Variants in BRCA2 observed in about 807,000 individuals in gnomAD.
BRCA2 encodes the protein BRCA2 DNA repair associated, also known as breast cancer type 2 susceptibility protein.
In BRCA2, 203 loss-of-function variants were observed where a neutral mutation model predicts 276.7. The ratio of observed to expected loss-of-function variants is 0.73; its 90% CI spans 0.65 to 0.82. BRCA2 has a LOEUF of 0.82. Among genes scored for constraint, BRCA2 ranks in the 40% least tolerant of loss-of-function variants. The pLI, the probability that BRCA2 is intolerant of heterozygous loss-of-function variation, is 0.00. For missense variants in BRCA2, 3,920 were observed against 3,915.0 expected (o/e 1.00, Z -0.03); for synonymous variants, 1,289 against 1,338.4 (o/e 0.96, Z 0.81).
rs772430226 is a variant in BRCA2 at position 32,332,759 on chromosome 13, C to A, written c.1281C>A (p.Asp427Glu). 2 of 1,608,124 alleles carry A rather than the reference C, an allele frequency of 1.2e-6. No homozygotes were observed. The highest frequency in any genetic ancestry group is 1.7e-6 in the Non-Finnish European group (2 of 1,178,466). Residue 427 changes from aspartate to glutamate, a missense_variant, in exon 10 of 27, where the codon GAC becomes GAA. This residue lies in a region of BRCA2 where 3,263 missense variants were observed against 3,156.9 expected (regional missense o/e 1.03). Coordinates refer to ENST00000380152, the MANE Select transcript of BRCA2 (RefSeq NM_000059.4). ...SSCDQNISEK[D>E]LLDTENKRKK... ...GTGACCAAAATATTTCAGAAAAAGA[C>A]CTATTAGACACAGAGAACAAAAGAA...
At position 32,332,919 on chromosome 13, in the gene BRCA2, A is replaced by G. The variant is rs760559435; in HGVS notation, c.1441A>G (p.Ile481Val). 6.8e-6 allele frequency: 11 copies of G among 1,608,774 alleles called. No individual in the cohort carries two copies. Among genetic ancestry groups the G allele is most frequent in the African/African-American group, 1.3e-5 (1 of 74,538 alleles). ...GCATCTTGAATCTCATACAGACTGC[A>G]TTCTTGCAGTAAAGCAGGCAATATC... ...EQHLESHTDCILAVKQAISGT... is the reference protein window; with the variant it reads ...EQHLESHTDCVLAVKQAISGT... The change falls in exon 10 of 27, where the codon ATT (isoleucine) becomes GTT (valine). Residue 481 changes from isoleucine to valine, a missense_variant. Around this residue, in one of 2 missense-constraint regions of BRCA2, gnomAD observed 3,263 missense variants for 3,156.9 expected, o/e 1.03. Transcript: ENST00000380152.
In BRCA2 at chr13:32,338,122, A is replaced by C. The variant is rs80358618; in HGVS notation, c.3767A>C (p.His1256Pro). Reference sequence around the variant, plus strand: ...AGTGAGGAAACTTCTGCAGAGGTACATCCAATAAGTTTATCTTCAAGTAAA... The same window carrying C: ...AGTGAGGAAACTTCTGCAGAGGTACCTCCAATAAGTTTATCTTCAAGTAAA... ...NISEETSAEV[H>P]PISLSSSKCH... The change falls in exon 11 of 27, where the codon CAT (histidine) becomes CCT (proline). Residue 1256 changes from histidine to proline, a missense_variant. By Grantham distance (77) the His-to-Pro change is moderately conservative (BLOSUM62 -2). This residue lies in a region of BRCA2 where 3,263 missense variants were observed against 3,156.9 expected (regional missense o/e 1.03). Coordinates refer to ENST00000380152, the MANE Select transcript of BRCA2 (RefSeq NM_000059.4). The C allele has an allele frequency of 1.2e-6, 2 of 1,607,834 alleles. No homozygotes were observed. The highest frequency in any genetic ancestry group is 1.7e-6 in the Non-Finnish European group (2 of 1,177,200).
intron 24 of BRCA2, among the ~76,000 whole-genome samples, chr13:32,383,934 GA>G (rs1406579772): frequency 6.6e-6 from 1 of 152,184 alleles, no homozygotes; most frequent in Admixed American, 6.5e-5. Context: ...CATTTAGGAA[GA>G]AAACAAGGAA....
Position 32,337,343 on chromosome 13 carries a change from C to G in BRCA2, c.2988C>G (p.Leu996=), listed in dbSNP as rs758336001. The part of the protein sequence containing the change: ...NNDYMNKWAG[L]LGPISNHSFG... ...ATTACATGAACAAATGGGCAGGACTCTTAGGTCCAATTTCAAATCACAGTT... is the reference window on the plus strand; with the variant it reads ...ATTACATGAACAAATGGGCAGGACTGTTAGGTCCAATTTCAAATCACAGTT... Residue 996 remains leucine (L), a synonymous_variant, in exon 11 of 27, where the codon CTC becomes CTG. Transcript: ENST00000380152. 1.2e-6 allele frequency: 2 copies of G among 1,613,732 alleles called. No individual in the cohort carries two copies. Among genetic ancestry groups the G allele is most frequent in the East Asian group, 4.5e-5 (2 of 44,822 alleles).
rs1343940721 is a variant in BRCA2, at chr13:32,338,639, T to G, written c.4284T>G (p.Phe1428Leu). 6.3e-7 allele frequency: 1 copy of G among 1,598,846 alleles called. No individual in the cohort carries two copies. Residue 1428 changes from phenylalanine (F) to leucine (L), a missense_variant, in exon 11 of 27, where the codon TTT becomes TTG. Coordinates refer to ENST00000380152, the MANE Select transcript of BRCA2 (RefSeq NM_000059.4). ...IKDFETSDTF[F>L]QTASGKNISV... ...ATTTTGAGACTTCTGATACATTTTTTCAGACTGCAAGTGGGAAAAATATTA... is the reference window on the plus strand; with the variant it reads ...ATTTTGAGACTTCTGATACATTTTTGCAGACTGCAAGTGGGAAAAATATTA...
At chr13:32,321,224 A>G (rs1422804741) in intron 3 of BRCA2, among the ~76,000 whole-genome samples, 1 of 152,370 alleles carries the variant, frequency 6.6e-6, no homozygotes, top group East Asian at 1.9e-4. Context: ...GGAGTCATCC[A>G]TTCTGCAAAT....
At position 32,326,517 on chromosome 13, in the gene BRCA2, C is replaced by A; in HGVS notation, c.535C>A (p.His179Asn). 1 of 1,613,472 alleles carries A rather than the reference C, an allele frequency of 6.2e-7. No homozygotes were observed. Among genetic ancestry groups the A allele is most frequent in the Non-Finnish European group, 8.5e-7 (1 of 1,179,438 alleles). Residue 179 changes from histidine to asparagine, a missense_variant, in exon 7 of 27, where the codon CAT becomes AAT. Physicochemically the swap from His to Asn is moderately conservative, Grantham distance 68 (BLOSUM62 1). Coordinates refer to ENST00000380152, the MANE Select transcript of BRCA2 (RefSeq NM_000059.4). Reference protein sequence around the residue: ...KFVKGRQTPKHISESLGAEVD... With the variant: ...KFVKGRQTPKNISESLGAEVD... ...CTCCCAGGGTCGTCAGACACCAAAA[C>A]ATATTTCTGAAAGTCTAGGAGCTGA... is the stretch of plus-strand genomic sequence containing the variant.
At chr13:32,343,003 C>G (rs560459199) in intron 11 of BRCA2, among the ~76,000 whole-genome samples, 1 of 151,626 alleles carries the variant, frequency 6.6e-6, no homozygotes, top group East Asian at 1.9e-4. Flanking sequence ...GAGCCAAGAT[C>G]GCACCACTGC....
Position 32,339,929 on chromosome 13 carries a change from A to G in BRCA2, c.5574A>G (p.Thr1858=), listed in dbSNP as rs1555284278. The change falls in exon 11 of 27, where the codon ACA becomes ACG. Residue 1858 remains threonine, a synonymous_variant. Transcript: ENST00000380152. The stretch of plus-strand genomic sequence containing the variant: ...AAATCGTTTGTGTTTCACATGAAAC[A>G]ATTAAAAAAGTGAAAGACATATTTA... The part of the protein sequence containing the change: ...SGKIVCVSHE[T]IKKVKDIFTD... 11 of 1,606,868 alleles carry G rather than the reference A, an allele frequency of 6.8e-6. No homozygotes were observed. Among genetic ancestry groups the G allele is most frequent in the Non-Finnish European group, 8.5e-6 (10 of 1,176,462 alleles).
chr13:32,395,051 T>G, intron 25 of BRCA2, 118 bp downstream of exon 25: 1 of 1,406,892 alleles, frequency 7.1e-7, no homozygotes, highest in Non-Finnish European at 9.8e-7. Context: ...GAGGTAAAGT[T>G]TAATCATATA....
chr13:32,398,538 A>G lies in BRCA2; in HGVS notation c.10025A>G (p.Glu3342Gly), dbSNP rs2137665873. 1 of 1,614,208 alleles carries G rather than the reference A, an allele frequency of 6.2e-7. No homozygotes were observed. Among genetic ancestry groups the G allele is most frequent in the African/African-American group, 1.3e-5 (1 of 75,058 alleles). ...SLLESNSIAD[E>G]ELALINTQAL... Reference sequence around the variant, plus strand: ...TTGGAAAGTAATTCAATAGCTGACGAAGAACTTGCATTGATAAATACCCAA... The same window carrying G: ...TTGGAAAGTAATTCAATAGCTGACGGAGAACTTGCATTGATAAATACCCAA... The change falls in exon 27 of 27, where the codon GAA (glutamate) becomes GGA (glycine). Residue 3342 changes from glutamate to glycine, a missense_variant. This residue lies in a region of BRCA2 where 657 missense variants were observed against 758.2 expected (regional missense o/e 0.87). Transcript: ENST00000380152.
rs11571687 is a variant in BRCA2, at chr13:32,348,653, G to T, written c.7007+1757G>T. On this transcript the variant is annotated intron_variant, in intron 13 of 26. Coordinates refer to ENST00000380152, the MANE Select transcript of BRCA2 (RefSeq NM_000059.4). ...TGAAGTACTAAAAGATCTCTTGTGC[G>T]CTTTTCTCAGGAAACTAACCAAAAC... Among the ~76,000 whole-genome samples the T allele has an allele frequency of 4.8e-3, 734 of 152,182 alleles. 4 individuals carry two copies. Among genetic ancestry groups the T allele is most frequent in the Non-Finnish European group, 8.2e-3 (558 of 68,002 alleles).
chr13:32,341,302 T>G (rs560148627), intron 11 of BRCA2, 106 bp downstream of exon 11: 1 of 1,534,726 alleles, frequency 6.5e-7, no homozygotes, highest in African/African-American at 1.4e-5. Context: ...CTATGTCTTT[T>G]CAGCCATTTT....
chr13:32,319,521 T>C (rs1411517960), intron 3 of BRCA2, among the ~76,000 whole-genome samples, 196 bp downstream of exon 3: 1 of 152,240 alleles, frequency 6.6e-6, no homozygotes, highest in Admixed American at 6.5e-5. Context: ...ATAATGTAGG[T>C]ACTTAGTAAA....
At chr13:32,395,912 A>ACAGCATAT (rs1387256706) in intron 25 of BRCA2, 5 of 214,890 alleles carry the variant, frequency 2.3e-5, no homozygotes, top group Non-Finnish European at 4.6e-5. Context: ...TAGTTCCCAT[A>ACAGCATAT]CAGCATATCT....
intron 9 of BRCA2, 74 bp downstream of exon 9, chr13:32,331,104 T>A: frequency 7.9e-6 from 8 of 1,016,530 alleles, no homozygotes; most frequent in Non-Finnish European, 1.2e-5. Flanking sequence ...TGAGGTGGAG[T>A]CTTGCTCTGT....
rs1555284238 is a variant in BRCA2 at position 32,339,817 on chromosome 13, A to G, written c.5462A>G (p.Lys1821Arg). 1 of 1,613,932 alleles carries G rather than the reference A, an allele frequency of 6.2e-7. No individual in the cohort carries two copies. The highest frequency in any genetic ancestry group is 8.5e-7 in the Non-Finnish European group (1 of 1,179,836). Reference sequence around the variant, plus strand: ...CTTGTGACTAGCTCTTCACCCTGCAAAAATAAAAATGCAGCCATTAAATTG... The same window carrying G: ...CTTGTGACTAGCTCTTCACCCTGCAGAAATAAAAATGCAGCCATTAAATTG... ...EELVTSSSPCKNKNAAIKLSI... is the reference protein window; with the variant it reads ...EELVTSSSPCRNKNAAIKLSI... The change falls in exon 11 of 27, where the codon AAA becomes AGA. Residue 1821 changes from lysine to arginine, a missense_variant. Transcript: ENST00000380152.
chr13:32,332,750 A>G lies in BRCA2; in HGVS notation c.1272A>G (p.Ser424=), dbSNP rs587780531. The part of the protein sequence containing the change: ...LHISSCDQNI[S]EKDLLDTENK... ...TTTCTTCATGTGACCAAAATATTTCAGAAAAAGACCTATTAGACACAGAGA... is the reference window on the plus strand; with the variant it reads ...TTTCTTCATGTGACCAAAATATTTCGGAAAAAGACCTATTAGACACAGAGA... Residue 424 remains serine, a synonymous_variant, in exon 10 of 27, where the codon TCA becomes TCG. Transcript: ENST00000380152. 37 of 1,608,278 alleles carry G rather than the reference A, an allele frequency of 2.3e-5. No homozygotes were observed. In the African/African-American group the frequency reaches 4.3e-4, roughly 19 times the overall value.
In BRCA2 at chr13:32,340,642, C is replaced by G. The variant is rs587781396; in HGVS notation, c.6287C>G (p.Pro2096Arg). The G allele has an allele frequency of 9.3e-6, 15 of 1,607,260 alleles. No homozygotes were observed. Among genetic ancestry groups the G allele is most frequent in the African/African-American group, 1.3e-5 (1 of 74,312 alleles). Residue 2096 changes from proline to arginine, a missense_variant, in exon 11 of 27, where the codon CCT becomes CGT. Transcript: ENST00000380152. ...IRTEHSLHYSPTSRQNVSKIL... is the reference protein window; with the variant it reads ...IRTEHSLHYSRTSRQNVSKIL... ...ACTGAGCATAGTCTTCACTATTCAC[C>G]TACGTCTAGACAAAATGTATCAAAA...
Sources: gnomAD v4.1 joint callset for allele counts (sites outside exome capture counted in the v4.1 genomes callset) on GRCh38, gnomAD v4.1.1 for gene constraint, gnomAD v4.1.1 regional missense constraint, MANE v1.5 for transcripts, NCBI Gene and HGNC (gene_info 2026-07-23, HGNC 2026-07-21) for gene names.